COBL: variants seen among roughly 807,000 people sequenced by gnomAD.
The protein encoded by COBL is cordon-bleu WH2 repeat protein.
COBL carries 51 observed loss-of-function variants against 98.8 expected under a neutral mutation model. The ratio of observed to expected loss-of-function variants is 0.52; its 90% CI spans 0.41 to 0.65. The LOEUF is 0.65. COBL is among the 30% of genes least tolerant of loss of function. The pLI is 0.00. For missense variants in COBL, 1,617 were observed against 1,617.5 expected, an observed-to-expected ratio of 1.00 and a Z score of 0.01; for synonymous variants, 634 against 651.7, an observed-to-expected ratio of 0.97 and a Z score of 0.41.
chr7:51,088,873 G>A (rs1353144001), intron 6 of COBL, among the ~76,000 whole-genome samples: 2 of 152,192 alleles, frequency 1.3e-5, no homozygotes, highest in African/African-American at 2.4e-5. Flanking sequence ...TCTGGTGAGA[G>A]GGCCTTGAAG....
intron 1 of COBL, among the ~76,000 whole-genome samples, chr7:51,234,559 G>T (rs148341099): frequency 5.3e-5 from 8 of 152,208 alleles, no homozygotes; most frequent in African/African-American, 1.7e-4. Flanking sequence ...AAACTAGCCG[G>T]GCGTGTTGGT....
chr7:51,053,996 C>T (rs1562849185), intron 7 of COBL, among the ~76,000 whole-genome samples: 2 of 152,214 alleles, frequency 1.3e-5, no homozygotes, highest in Non-Finnish European at 2.9e-5. Flanking sequence ...GCCTGGCCAA[C>T]ATGGTGAAAC....
intron 5 of COBL, among the ~76,000 whole-genome samples, chr7:51,174,767 T>C (rs1788207466): frequency 6.6e-6 from 1 of 152,206 alleles, no homozygotes; most frequent in Non-Finnish European, 1.5e-5. Context: ...CCCCTTTGCC[T>C]TTAAAAACCT....
chr7:51,023,493 G>T (rs1787146766), intron 12 of COBL, among the ~76,000 whole-genome samples: 1 of 152,164 alleles, frequency 6.6e-6, no homozygotes, highest in South Asian at 2.1e-4. Context: ...CCTCACACTG[G>T]GACAAGCTCT....
intron 6 of COBL, among the ~76,000 whole-genome samples, chr7:51,107,923 T>C (rs1796460035): frequency 6.6e-6 from 1 of 152,248 alleles, no homozygotes; most frequent in Non-Finnish European, 1.5e-5. Context: ...GGTGTCCTGC[T>C]AGCAGCCACC....
intron 7 of COBL, chr7:51,072,508 A>T (rs1792664861): frequency 6.6e-6 from 1 of 152,214 alleles, no homozygotes; most frequent in Non-Finnish European, 1.5e-5. Context: ...AAATGGAACC[A>T]TCTTTACTTC....
In COBL at chr7:51,016,652, C is replaced by G. The variant is rs1250322560; in HGVS notation, c.*899G>C. ...TCTCAGCGCAACTTTGATCTGAACT[C>G]TTGACAGGTGGGCATCCAACATCCC... On this transcript the variant is annotated 3_prime_UTR_variant, in exon 13 of 13. Transcript: ENST00000265136. The G allele has an allele frequency of 3.3e-6, 1 of 305,494 alleles. No individual in the cohort carries two copies. Among genetic ancestry groups the G allele is most frequent in the African/African-American group, 2.1e-5 (1 of 46,890 alleles). The allele number at this position is 305,494 out of a possible 1,614,324, so 18.9% of individuals were successfully genotyped here. A position where few individuals can be genotyped will look rare whatever the true frequency, so the allele number is the denominator to read the frequency against.
At chr7:51,105,593 A>G (rs1321009740) in intron 6 of COBL, among the ~76,000 whole-genome samples, 1 of 152,018 alleles carries the variant, frequency 6.6e-6, no homozygotes, top group African/African-American at 2.4e-5. Context: ...TACTAAAAAT[A>G]CAAACAAATT....
chr7:51,187,310 G>GTA (rs67807746), intron 4 of COBL, among the ~76,000 whole-genome samples: 6,324 of 138,308 alleles, frequency 0.046, 359 homozygotes, highest in African/African-American at 0.14. Flanking sequence ...ATATGTTTAA[G>GTA]TATATATATA....
chr7:51,078,181 C>T (rs1793268872), intron 7 of COBL, among the ~76,000 whole-genome samples: 1 of 152,100 alleles, frequency 6.6e-6, no homozygotes, highest in African/African-American at 2.4e-5. Context: ...TCCATTCTTG[C>T]CAAAGAATTG....
At position 51,029,006 on chromosome 7, in the gene COBL, T is replaced by A; in HGVS notation, c.2090A>T (p.Lys697Ile). The change falls in exon 10 of 13, where the codon AAA becomes ATA. Residue 697 changes from lysine to isoleucine, a missense_variant. Coordinates refer to ENST00000265136, the MANE Select transcript of COBL (RefSeq NM_015198.5). ...SWHQRGQNPG[K>I]SYRLKHGLTT... ...GAGGCCGTGCTTAAGTCTGTAGCTT[T>A]TCCCTGGGTTTTGGCCTCGTTGGTG... The A allele has an allele frequency of 6.2e-7, 1 of 1,614,192 alleles. No individual in the cohort carries two copies. Among genetic ancestry groups the A allele is most frequent in the Non-Finnish European group, 8.5e-7 (1 of 1,180,026 alleles).
At chr7:51,204,554 C>CTTTT (rs540131673) in intron 2 of COBL, among the ~76,000 whole-genome samples, 1 of 137,546 alleles carries the variant, frequency 7.3e-6, no homozygotes, top group Admixed American at 7.3e-5. Context: ...AAATCAGTGG[C>CTTTT]TTTTTTTTTT....
At chr7:51,201,976 C>A (rs1489865506) in intron 2 of COBL, among the ~76,000 whole-genome samples, 3 of 152,184 alleles carry the variant, frequency 2.0e-5, no homozygotes, top group African/African-American at 7.2e-5. Flanking sequence ...CATCAACCAT[C>A]CCTTTGTCCA....
Position 51,094,709 on chromosome 7 carries a change from G to A in COBL, c.958-9405C>T, listed in dbSNP as rs368960227. ...TACTCTCTGATGGAGTAACTATATA[G>A]ACAAATACATAATCCTGGAATATAA... On this transcript the variant is annotated intron_variant, in intron 6 of 12. Transcript: ENST00000265136. 2.9e-4 allele frequency among the ~76,000 whole-genome samples: 44 copies of A among 152,174 alleles called. 2 individuals are homozygous for A. The highest frequency in any genetic ancestry group is 1.6e-3 in the Admixed American group (25 of 15,300).
intron 6 of COBL, among the ~76,000 whole-genome samples, chr7:51,111,490 A>C (rs550152095): frequency 6.6e-6 from 1 of 152,198 alleles, no homozygotes; most frequent in East Asian, 1.9e-4. Context: ...ATCCTACTCA[A>C]ATGGTGTGTG....
chr7:51,069,292 G>A (rs1169907280), intron 7 of COBL, among the ~76,000 whole-genome samples: 2 of 152,250 alleles, frequency 1.3e-5, no homozygotes, highest in Non-Finnish European at 2.9e-5. Context: ...CACTTCTCTT[G>A]TTGGAACAGC....
In COBL at chr7:51,193,299, A is replaced by AT. The variant is rs1213986960; in HGVS notation, c.456+79dup. 6 of 1,285,036 alleles carry AT rather than the reference A, an allele frequency of 4.7e-6. No homozygotes were observed. The African/African-American group carries it at 8.8e-5, about 19-fold the overall frequency. 79.6% of individuals were successfully genotyped at this position (1,285,036 alleles called of 1,614,324 possible). A position where few individuals can be genotyped will look rare whatever the true frequency, so the allele number is the denominator to read the frequency against. On this transcript the variant is annotated intron_variant, in intron 3 of 12. Transcript: ENST00000265136. ...CCACAGCTCTCTGCACTGTACTTTGATAAGAAGAGCCACACTGGCCCCTAC... is the reference window on the plus strand; with the variant it reads ...CCACAGCTCTCTGCACTGTACTTTGATTAAGAAGAGCCACACTGGCCCCTAC...
intron 2 of COBL, among the ~76,000 whole-genome samples, chr7:51,216,564 G>T (rs566690175): frequency 2.0e-5 from 3 of 152,196 alleles, no homozygotes; most frequent in Admixed American, 1.3e-4. Flanking sequence ...CATCCTTAAG[G>T]TAGGCCAGAA....
At chr7:51,024,052 G>A (rs1045574984) in intron 12 of COBL, among the ~76,000 whole-genome samples, 2 of 152,196 alleles carry the variant, frequency 1.3e-5, no homozygotes, top group Admixed American at 6.5e-5. Context: ...GCTCACGCCT[G>A]TAATCCCAGC....
Sources: allele counts gnomAD v4.1 joint callset (sites outside exome capture counted in the v4.1 genomes callset), GRCh38; gene constraint gnomAD v4.1.1; transcripts MANE v1.5; gene names NCBI Gene and HGNC (gene_info 2026-07-23, HGNC 2026-07-21).